Variants in CELF2 observed in about 807,000 individuals in gnomAD.
CELF2 encodes the protein CUGBP Elav-like family member 2.
CELF2 carries 8 observed loss-of-function variants against 62.6 expected under a neutral mutation model. The ratio of observed to expected loss-of-function variants is 0.13; its 90% CI spans 0.07 to 0.23. CELF2 has a LOEUF of 0.23. CELF2 is among the 10% of genes least tolerant of loss of function. The probability of loss-of-function intolerance (pLI) is 1.00; values close to 1 mark genes in which losing one functional copy is unlikely to be tolerated. For missense variants in CELF2, 333 were observed against 671.0 expected (o/e 0.50, Z 5.56); for synonymous variants, 258 against 250.0 (o/e 1.03, Z -0.30).
intron 1 of CELF2, among the ~76,000 whole-genome samples, chr10:10,868,232 C>G (rs545708297): frequency 1.2e-4 from 19 of 152,294 alleles, no homozygotes; most frequent in African/African-American, 4.3e-4. Context: ...CTCTCTTGAG[C>G]ACTTGACGTC....
chr10:10,676,772 T>C, the CELF2 span, among the ~76,000 whole-genome samples: 1 of 152,206 alleles, frequency 6.6e-6, no homozygotes, highest in Non-Finnish European at 1.5e-5. Context: ...CCTACTTCTT[T>C]TACAGATCTA....
chr10:11,061,019 C>G, intron 1 of CELF2, among the ~76,000 whole-genome samples: 1 of 152,094 alleles, frequency 6.6e-6, no homozygotes, highest in East Asian at 1.9e-4. Flanking sequence ...TTTAACTGTT[C>G]AAATGAAAGA....
intron 2 of CELF2, among the ~76,000 whole-genome samples, chr10:10,992,977 A>G (rs537727527): frequency 6.6e-6 from 1 of 152,276 alleles, no homozygotes; most frequent in African/African-American, 2.4e-5. Flanking sequence ...GTGCTGAAAC[A>G]CTTATATATT....
At chr10:10,491,028 C>T in the CELF2 span, among the ~76,000 whole-genome samples, 1 of 152,146 alleles carries the variant, frequency 6.6e-6, no homozygotes, top group Non-Finnish European at 1.5e-5. Context: ...AGAAAAACCA[C>T]TACTATATAA....
intron 2 of CELF2, among the ~76,000 whole-genome samples, chr10:10,921,810 A>G (rs1591948803): frequency 6.7e-6 from 1 of 149,448 alleles, no homozygotes; most frequent in African/African-American, 2.5e-5. Flanking sequence ...TAGACATTCT[A>G]CCTAAGCGTG....
intron 1 of CELF2, among the ~76,000 whole-genome samples, chr10:10,801,739 G>A: frequency 6.6e-6 from 1 of 152,150 alleles, no homozygotes; most frequent in Non-Finnish European, 1.5e-5. Flanking sequence ...CATGTGTTTG[G>A]TCCAGGAGCT....
the CELF2 span, among the ~76,000 whole-genome samples, chr10:10,760,032 G>A: frequency 3.9e-5 from 6 of 152,034 alleles, no homozygotes; most frequent in South Asian, 2.1e-4. Flanking sequence ...ACCCTCCTGC[G>A]TAGCTGGGAT....
chr10:11,065,304 T>A (rs940361091), intron 1 of CELF2, among the ~76,000 whole-genome samples: 7 of 152,358 alleles, frequency 4.6e-5, no homozygotes, highest in African/African-American at 1.7e-4. Context: ...TGATGCATTT[T>A]CAAAAATGTG....
At chr10:10,606,225 G>T in the CELF2 span, among the ~76,000 whole-genome samples, 3 of 152,164 alleles carry the variant, frequency 2.0e-5, no homozygotes, top group South Asian at 6.2e-4. Context: ...GCAGCATGAA[G>T]ATATCTGTGT....
intron 1 of CELF2, among the ~76,000 whole-genome samples, chr10:11,082,996 A>C (rs1375994999): frequency 2.0e-5 from 3 of 152,222 alleles, no homozygotes; most frequent in Non-Finnish European, 4.4e-5. Context: ...CAGATAAAAA[A>C]TTCCATTCAT....
At chr10:10,793,249 G>T in the CELF2 span, among the ~76,000 whole-genome samples, 1 of 152,038 alleles carries the variant, frequency 6.6e-6, no homozygotes, top group Non-Finnish European at 1.5e-5. Flanking sequence ...GGTTTTGTGA[G>T]CAAAACATGA....
the CELF2 span, among the ~76,000 whole-genome samples, chr10:10,763,248 A>G: frequency 4.5e-4 from 69 of 152,336 alleles, 1 homozygote; most frequent in African/African-American, 1.4e-3. Flanking sequence ...CCTTTACGCA[A>G]AAGAGGTCAT....
At chr10:10,464,148 G>A in the CELF2 span, among the ~76,000 whole-genome samples, 23 of 152,170 alleles carry the variant, frequency 1.5e-4, no homozygotes, top group Middle Eastern at 3.4e-3. Flanking sequence ...CCCCCAGAGC[G>A]CTTGAAATGT....
chr10:10,833,352 CTG>C (rs1564689934), intron 1 of CELF2, among the ~76,000 whole-genome samples: 1 of 152,198 alleles, frequency 6.6e-6, no homozygotes, highest in Non-Finnish European at 1.5e-5. Flanking sequence ...TCCTTACCAA[CTG>C]TGTTCATTAA....
intron 2 of CELF2, among the ~76,000 whole-genome samples, chr10:10,987,260 T>G (rs1375012372): frequency 6.6e-6 from 1 of 152,120 alleles, no homozygotes; most frequent in African/African-American, 2.4e-5. Context: ...GAGATCTTTT[T>G]TTTTTTTTCA....
chr10:10,666,221 T>TA, the CELF2 span, among the ~76,000 whole-genome samples: 50 of 152,246 alleles, frequency 3.3e-4, no homozygotes, highest in African/African-American at 1.2e-3. Flanking sequence ...AAAGTCTCAG[T>TA]AAAAAAACAG....
chr10:10,484,000 GCTTTCTCCCTCCCTCCCTCCCCCA>G, the CELF2 span, among the ~76,000 whole-genome samples: 10 of 13,508 alleles, frequency 7.4e-4, no homozygotes, highest in African/African-American at 3.1e-3. Flanking sequence ...TCCCTCCCCC[GCTTTCTCCCTCCCTCCCTCCCCCA>G]CTTTCTCCCT....
chr10:11,247,430 C>T lies in CELF2; in HGVS notation c.355-1723C>T, dbSNP rs2075938692. Among the ~76,000 whole-genome samples the T allele has an allele frequency of 6.6e-6, 1 of 152,216 alleles. No individual in the cohort carries two copies. The highest frequency in any genetic ancestry group is 1.9e-4 in the East Asian group (1 of 5,192). ...TGCTCGCACGTCCAAGGACTCGGCC[C>T]AGATGCAGCCTTGGCTTTCCTCGCC... On this transcript the variant is annotated intron_variant, in intron 3 of 12. Transcript: ENST00000633077. The surrounding 1 kb of genome is among the most constrained non-coding windows in gnomAD (Gnocchi z 5.4).
rs1436379121 is a variant in CELF2 at position 11,117,198 on chromosome 10, T to C, written c.75-48288T>C. ...TATATCATCCCGCTCTACTCACATC[T>C]TTTAGGCTCATTAAAGGATTTAGTT... is the stretch of plus-strand genomic sequence containing the variant. On this transcript the variant is annotated intron_variant, in intron 1 of 12. Coordinates refer to ENST00000633077, the MANE Select transcript of CELF2 (RefSeq NM_001326342.2). This position sits in a 1 kb window ranked among gnomAD's most constrained non-coding sequence, Gnocchi z 4.1. Among the ~76,000 whole-genome samples, 1 of 152,234 alleles carries C rather than the reference T, an allele frequency of 6.6e-6. No individual in the cohort carries two copies. The highest frequency in any genetic ancestry group is 1.5e-5 in the Non-Finnish European group (1 of 68,046).
Sources: allele counts gnomAD v4.1 joint callset (sites outside exome capture counted in the v4.1 genomes callset), GRCh38; gene constraint gnomAD v4.1.1; non-coding constraint Gnocchi (gnomAD v3.1); transcripts MANE v1.5; gene names NCBI Gene and HGNC (gene_info 2026-07-23, HGNC 2026-07-21).